TBC1D4: variants seen among roughly 807,000 people sequenced by gnomAD.
TBC1D4 encodes TBC1 domain family member 4.
TBC1D4 carries 121 observed loss-of-function variants against 142.5 expected under a neutral mutation model. The ratio of observed to expected loss-of-function variants is 0.85; its 90% CI spans 0.73 to 0.99. The LOEUF (loss-of-function observed/expected upper bound fraction) is 0.99, where lower values mean the gene tolerates loss of function less well. Ranked by LOEUF, TBC1D4 falls within the 50% of genes least tolerant of loss-of-function variation. TBC1D4 has a pLI of 0.00. For synonymous variants in TBC1D4, 630 were observed against 628.2 expected, an observed-to-expected ratio of 1.00 and a Z score of -0.04; for missense variants, 1,475 against 1,606.6, an observed-to-expected ratio of 0.92 and a Z score of 1.40.
At chr13:75,364,828 A>G (rs1882805215) in intron 1 of TBC1D4, among the ~76,000 whole-genome samples, 1 of 152,258 alleles carries the variant, frequency 6.6e-6, no homozygotes, top group Admixed American at 6.5e-5. Flanking sequence ...GTATGCCTCC[A>G]AAAGTGTCTC....
At chr13:75,424,540 G>A (rs1227680790) in intron 1 of TBC1D4, among the ~76,000 whole-genome samples, 1 of 151,660 alleles carries the variant, frequency 6.6e-6, no homozygotes, top group African/African-American at 2.4e-5. Context: ...AACCACAAAA[G>A]ACCCAGAACG....
At chr13:75,421,982 C>T (rs2138123660) in intron 1 of TBC1D4, among the ~76,000 whole-genome samples, 1 of 152,192 alleles carries the variant, frequency 6.6e-6, no homozygotes, top group East Asian at 1.9e-4. Context: ...TTTGTTTTTT[C>T]AACTAGAGGT....
intron 11 of TBC1D4, among the ~76,000 whole-genome samples, chr13:75,320,798 C>T (rs936103284): frequency 6.9e-6 from 1 of 144,906 alleles, no homozygotes; most frequent in African/African-American, 2.6e-5. Flanking sequence ...CTGAGGCGGG[C>T]GGATCACGAG....
chr13:75,468,629 G>T (rs968768261), intron 1 of TBC1D4, among the ~76,000 whole-genome samples: 17 of 152,118 alleles, frequency 1.1e-4, no homozygotes, highest in Non-Finnish European at 5.9e-5. Context: ...CAGTATGATG[G>T]CTCTAAATTT....
chr13:75,478,157 GTAGA>G (rs1434843938), intron 1 of TBC1D4, among the ~76,000 whole-genome samples: 1 of 152,164 alleles, frequency 6.6e-6, no homozygotes, highest in African/African-American at 2.4e-5. Flanking sequence ...CAATATGTGA[GTAGA>G]TACTCTTGAA....
At chr13:75,447,260 C>T (rs768576444) in intron 1 of TBC1D4, among the ~76,000 whole-genome samples, 10 of 152,102 alleles carry the variant, frequency 6.6e-5, no homozygotes, top group Non-Finnish European at 8.8e-5. Flanking sequence ...TGGTTCTATA[C>T]TCCTATTTTC....
At chr13:75,320,955 G>A (rs950402307) in intron 11 of TBC1D4, among the ~76,000 whole-genome samples, 8 of 151,232 alleles carry the variant, frequency 5.3e-5, no homozygotes, top group Admixed American at 5.3e-4. Flanking sequence ...CAGGAAAATG[G>A]CGTGAACCCG....
At chr13:75,393,927 CAA>C (rs57675298) in intron 1 of TBC1D4, among the ~76,000 whole-genome samples, 2 of 135,998 alleles carry the variant, frequency 1.5e-5, no homozygotes, top group Admixed American at 7.4e-5. Context: ...AACTCTGTCT[CAA>C]AAAAAAAAAA....
chr13:75,338,408 G>A (rs774869693), intron 7 of TBC1D4, among the ~76,000 whole-genome samples: 27 of 152,110 alleles, frequency 1.8e-4, no homozygotes, highest in Admixed American at 3.9e-4. Flanking sequence ...TACAAAAACT[G>A]TATGGGCACT....
At chr13:75,331,947 A>G (rs1177732932) in intron 8 of TBC1D4, among the ~76,000 whole-genome samples, 1 of 152,134 alleles carries the variant, frequency 6.6e-6, no homozygotes, top group African/African-American at 2.4e-5. Flanking sequence ...AAAAAGTGCA[A>G]TCTGTTGCAC....
rs1216531818 is a variant in TBC1D4 at position 75,299,482 on chromosome 13, C to T, written c.3004G>A (p.Asp1002Asn). The T allele has an allele frequency of 6.2e-7, 1 of 1,614,150 alleles. No homozygotes were observed. Among genetic ancestry groups the T allele is most frequent in the Admixed American group, 1.7e-5 (1 of 60,030 alleles). Residue 1002 changes from aspartate (D) to asparagine (N), a missense_variant, in exon 17 of 21, where the codon GAC (aspartate) becomes AAC (asparagine). By Grantham distance (23) the Asp-to-Asn change is conservative (BLOSUM62 1). Transcript: ENST00000377636. ...CCCTGACAGTATCCCACTTCTTTGT[C>T]CAGCAAAGAATAGGCTTTCAGGAGG... The part of the protein sequence containing the change: ...FNLLKAYSLL[D>N]KEVGYCQGIS...
At chr13:75,416,369 A>G (rs915674952) in intron 1 of TBC1D4, among the ~76,000 whole-genome samples, 1 of 152,204 alleles carries the variant, frequency 6.6e-6, no homozygotes, top group Admixed American at 6.5e-5. Flanking sequence ...TTTTTAATGA[A>G]AATTATATTT....
At chr13:75,339,233 A>C (rs1364712694) in intron 7 of TBC1D4, among the ~76,000 whole-genome samples, 2 of 152,182 alleles carry the variant, frequency 1.3e-5, no homozygotes, top group Non-Finnish European at 2.9e-5. Flanking sequence ...TTGTGCAATA[A>C]TTAAATCACT....
At chr13:75,467,332 T>C (rs1306612195) in intron 1 of TBC1D4, among the ~76,000 whole-genome samples, 1 of 152,236 alleles carries the variant, frequency 6.6e-6, no homozygotes, top group East Asian at 1.9e-4. Context: ...CAGCAATATC[T>C]ATGTTTTTGG....
rs774625506 is a variant in TBC1D4, at chr13:75,481,411, G to C, written c.357C>G (p.Phe119Leu). 1.2e-6 allele frequency: 2 copies of C among 1,613,878 alleles called. No individual in the cohort carries two copies. The highest frequency in any genetic ancestry group is 2.2e-5 in the East Asian group (1 of 44,838). ...ATQPNPAVFI[F>L]EHKAQHISRF... ...GCGAGATATGCTGCGCCTTGTGCTCGAAGATGAATACCGCCGGGTTGGGCT... is the reference window on the plus strand; with the variant it reads ...GCGAGATATGCTGCGCCTTGTGCTCCAAGATGAATACCGCCGGGTTGGGCT... Residue 119 changes from phenylalanine (F) to leucine (L), a missense_variant, in exon 1 of 21, where the codon TTC becomes TTG. Coordinates refer to ENST00000377636, the MANE Select transcript of TBC1D4 (RefSeq NM_014832.5).
At chr13:75,446,236 T>A (rs947242076) in intron 1 of TBC1D4, among the ~76,000 whole-genome samples, 1 of 152,194 alleles carries the variant, frequency 6.6e-6, no homozygotes, top group Non-Finnish European at 1.5e-5. Flanking sequence ...CTTTAAAAAA[T>A]TTAGGTAAAA....
chr13:75,434,561 T>C (rs1886717669), intron 1 of TBC1D4, among the ~76,000 whole-genome samples: 1 of 151,834 alleles, frequency 6.6e-6, no homozygotes, highest in Non-Finnish European at 1.5e-5. Flanking sequence ...AATACCTGGG[T>C]GATGAAATAA....
At chr13:75,408,644 C>T (rs765747551) in intron 1 of TBC1D4, among the ~76,000 whole-genome samples, 8 of 152,100 alleles carry the variant, frequency 5.3e-5, no homozygotes, top group Non-Finnish European at 8.8e-5. Context: ...CAAAGAACTG[C>T]GAGACATTTA....
At chr13:75,294,545 T>G (rs548935250) in intron 18 of TBC1D4, among the ~76,000 whole-genome samples, 1 of 152,344 alleles carries the variant, frequency 6.6e-6, no homozygotes, top group Non-Finnish European at 1.5e-5. Flanking sequence ...ATACACAGTC[T>G]GTCCCTAGTC....
Sources: gnomAD v4.1 joint callset for allele counts (sites outside exome capture counted in the v4.1 genomes callset) on GRCh38, gnomAD v4.1.1 for gene constraint, MANE v1.5 for transcripts, NCBI Gene and HGNC (gene_info 2026-07-23, HGNC 2026-07-21) for gene names.